The following ZNF540 variants were observed in gnomAD, a reference collection of about 807,000 sequenced individuals.
ZNF540 encodes the protein zinc finger protein 540, also known as CTD-3064H18.6.
Under a neutral mutation model 11.8 loss-of-function variants are expected in ZNF540, and 3 were observed. The ratio of observed to expected loss-of-function variants is 0.25; its 90% confidence interval spans 0.12 to 0.65. The LOEUF is 0.65. Ranked by LOEUF, ZNF540 falls within the 30% of genes least tolerant of loss-of-function variation. ZNF540 has a pLI of 0.83. For missense variants in ZNF540, 709 were observed against 793.1 expected (o/e 0.89, Z 1.27); for synonymous variants, 247 against 259.0 (o/e 0.95, Z 0.45).
intron 1 of ZNF540, among the ~76,000 whole-genome samples, chr19:37,595,738 C>T (rs528595359): frequency 3.4e-4 from 52 of 152,266 alleles, no homozygotes; most frequent in Admixed American, 8.5e-4. Context: ...TATCTGTGCT[C>T]TCCAATATAG....
intron 1 of ZNF540, among the ~76,000 whole-genome samples, chr19:37,551,866 C>T (rs2042609754): frequency 6.6e-6 from 1 of 151,774 alleles, no homozygotes; most frequent in African/African-American, 2.4e-5. Flanking sequence ...AAGAATGTGT[C>T]TCGTGCGGTG....
intron 4 of ZNF540, among the ~76,000 whole-genome samples, chr19:37,606,735 T>A (rs1555723893): frequency 3.9e-5 from 6 of 152,216 alleles, no homozygotes; most frequent in Non-Finnish European, 7.3e-5. Context: ...AATTAGGTTG[T>A]TTGTGTTATT....
rs201434984 is a variant in ZNF540 at position 37,612,115 on chromosome 19, G to A, written c.835G>A (p.Gly279Ser). The A allele has an allele frequency of 3.1e-6, 5 of 1,611,272 alleles. No homozygotes were observed. Among genetic ancestry groups the A allele is most frequent in the African/African-American group, 1.3e-5 (1 of 74,710 alleles). ...KPYMCKKCDK[G>S]FFSRLELTQH... ...CTATATGTGTAAGAAATGTGATAAG[G>A]GTTTTTTTAGTAGATTAGAACTTAC... is the stretch of plus-strand genomic sequence containing the variant. Residue 279 changes from glycine to serine, a missense_variant, in exon 5 of 5, where the codon GGT becomes AGT. Physicochemically the swap from Gly to Ser is moderately conservative, Grantham distance 56 (BLOSUM62 0). Coordinates refer to ENST00000316433, the MANE Select transcript of ZNF540 (RefSeq NM_001172225.3).
At chr19:37,602,461 T>TA (rs1446244046) in intron 4 of ZNF540, among the ~76,000 whole-genome samples, 2 of 150,382 alleles carry the variant, frequency 1.3e-5, no homozygotes, top group Admixed American at 1.3e-4. Flanking sequence ...TAGCCATACT[T>TA]AATTATTTAT....
upstream of ZNF540, among the ~76,000 whole-genome samples, chr19:37,589,863 T>TAAA (rs1228213871): frequency 4.3e-4 from 1 of 2,334 alleles, no homozygotes; most frequent in Non-Finnish European, 5.7e-4. Flanking sequence ...AGACTCCATC[T>TAAA]CAAAAAAAAA....
chr19:37,578,633 C>T (rs1264803786), intron 1 of ZNF540, among the ~76,000 whole-genome samples: 1 of 152,158 alleles, frequency 6.6e-6, no homozygotes, highest in Non-Finnish European at 1.5e-5. Flanking sequence ...AGGAAAGGCT[C>T]GGCTTCACCC....
At chr19:37,562,358 G>A (rs2147143027) in intron 1 of ZNF540, 1 of 151,146 alleles carries the variant, frequency 6.6e-6, no homozygotes, top group African/African-American at 2.4e-5. Flanking sequence ...TCCAGCCTGA[G>A]CAACAAGAGC....
chr19:37,551,831 T>TG (rs1467281561), intron 1 of ZNF540, among the ~76,000 whole-genome samples: 3 of 150,112 alleles, frequency 2.0e-5, no homozygotes, highest in African/African-American at 7.4e-5. Context: ...TGTCTGTGTG[T>TG]GTGGGGGGGG....
At chr19:37,553,089 A>C (rs901649243) in intron 1 of ZNF540, among the ~76,000 whole-genome samples, 1 of 79,302 alleles carries the variant, frequency 1.3e-5, no homozygotes, top group Non-Finnish European at 2.8e-5. Flanking sequence ...TCATATTTTA[A>C]TCTTTTTTTA....
upstream of ZNF540, among the ~76,000 whole-genome samples, chr19:37,590,816 A>G (rs1413790147): frequency 6.6e-6 from 1 of 152,220 alleles, no homozygotes; most frequent in Non-Finnish European, 1.5e-5. Context: ...AAGAGACTAA[A>G]GAGGCATAAC....
At chr19:37,599,809 C>G in intron 3 of ZNF540, 57 bp downstream of exon 3, 1 of 1,481,560 alleles carries the variant, frequency 6.7e-7, no homozygotes, top group South Asian at 1.4e-5. Context: ...GTAGCTTTCT[C>G]TTCCACAAAT....
chr19:37,604,315 T>TTTTTTTTC (rs2044065175), intron 4 of ZNF540, among the ~76,000 whole-genome samples: 1 of 113,904 alleles, frequency 8.8e-6, no homozygotes. Flanking sequence ...TTTTTTTTTT[T>TTTTTTTTC]TTTTTTTTTT....
chr19:37,577,647 G>A (rs2043288848), intron 1 of ZNF540, among the ~76,000 whole-genome samples: 1 of 152,186 alleles, frequency 6.6e-6, no homozygotes, highest in Admixed American at 6.5e-5. Context: ...GCAAAATAGT[G>A]AGAAGATCCA....
At chr19:37,566,270 G>T (rs766438297) in intron 1 of ZNF540, 2 of 1,611,938 alleles carry the variant, frequency 1.2e-6, no homozygotes, top group African/African-American at 2.7e-5. Flanking sequence ...TAACTTTTTG[G>T]TCACACAACT....
chr19:37,604,296 CTTTTTTTTTTTT>C (rs769163050), intron 4 of ZNF540, among the ~76,000 whole-genome samples: 5 of 75,264 alleles, frequency 6.6e-5, no homozygotes, highest in Non-Finnish European at 1.3e-4. Flanking sequence ...AATAGCCTTA[CTTTTTTTTTTTT>C]TTTTTTTTTT....
intron 1 of ZNF540, among the ~76,000 whole-genome samples, chr19:37,570,889 AG>A (rs138617845): frequency 0.022 from 3,310 of 152,314 alleles, 129 homozygotes; most frequent in African/African-American, 0.075. Flanking sequence ...AAGCATATGT[AG>A]AAGCCCCAAA....
intron 1 of ZNF540, among the ~76,000 whole-genome samples, chr19:37,589,487 T>TA (rs145902538): frequency 0.18 from 27,693 of 150,294 alleles, 2,653 homozygotes; most frequent in Middle Eastern, 0.3. Context: ...AGACAATTCA[T>TA]AAAAAAAAAG....
intron 1 of ZNF540, among the ~76,000 whole-genome samples, chr19:37,561,632 A>G (rs934057372): frequency 5.9e-5 from 9 of 152,210 alleles, no homozygotes; most frequent in Admixed American, 4.6e-4. Context: ...TATGCACTGT[A>G]TCATATGCAA....
At chr19:37,555,358 T>C (rs1220229937) in intron 1 of ZNF540, 1 of 153,756 alleles carries the variant, frequency 6.5e-6, no homozygotes, top group East Asian at 1.9e-4. Flanking sequence ...ACAAGGGGGT[T>C]ATATTGAGTA....
Sources: gnomAD v4.1 joint callset for allele counts (sites outside exome capture counted in the v4.1 genomes callset) on GRCh38, gnomAD v4.1.1 for gene constraint, MANE v1.5 for transcripts, NCBI Gene and HGNC (gene_info 2026-07-23, HGNC 2026-07-21) for gene names.